The following STAG1 variants were observed in gnomAD, a reference collection of about 807,000 sequenced individuals.
STAG1 encodes the protein STAG1 cohesin complex component, also known as cohesin subunit SA-1.
A neutral mutation model predicts 170.9 loss-of-function variants in STAG1; 26 were observed. The observed-to-expected ratio is 0.15, with a 90% CI of 0.11 to 0.21. The LOEUF (loss-of-function observed/expected upper bound fraction) is 0.21, where lower values mean the gene tolerates loss of function less well. Among genes scored for constraint, STAG1 ranks in the 10% least tolerant of loss-of-function variants. The pLI is 1.00. For missense variants in STAG1, 964 were observed against 1,509.5 expected, an observed-to-expected ratio of 0.64 and a Z score of 5.99; for synonymous variants, 514 against 497.7, an observed-to-expected ratio of 1.03 and a Z score of -0.44.
At chr3:136,408,153 T>C (rs1223660535) in intron 21 of STAG1, among the ~76,000 whole-genome samples, 1 of 152,206 alleles carries the variant, frequency 6.6e-6, no homozygotes, top group African/African-American at 2.4e-5. Flanking sequence ...TATTCATAAA[T>C]GCTACAATGA....
rs146018908 is a variant in STAG1, at chr3:136,555,422, G to A, written c.395-13227C>T. ...ATCACGACTGGGCACAGTGGCTCAA[G>A]CCTGTAATCCCAGCACTTTGGGAGG... On this transcript the variant is annotated intron_variant, in intron 5 of 33. Coordinates refer to ENST00000383202, the MANE Select transcript of STAG1 (RefSeq NM_005862.3). Among the ~76,000 whole-genome samples, 984 of 151,802 alleles carry A rather than the reference G, an allele frequency of 6.5e-3. 12 individuals carry two copies. The highest frequency in any genetic ancestry group is 0.023 in the African/African-American group (936 of 41,164).
chr3:136,443,066 T>C (rs1442661966), intron 15 of STAG1, among the ~76,000 whole-genome samples: 1 of 152,128 alleles, frequency 6.6e-6, no homozygotes, highest in African/African-American at 2.4e-5. Flanking sequence ...ATGACACGCA[T>C]GGATTTTTAA....
intron 1 of STAG1, among the ~76,000 whole-genome samples, chr3:136,718,270 T>G (rs1932982099): frequency 6.6e-6 from 1 of 152,128 alleles, no homozygotes; most frequent in Non-Finnish European, 1.5e-5. Context: ...GAAACAAAAC[T>G]GGAATGAGTG....
intron 4 of STAG1, among the ~76,000 whole-genome samples, chr3:136,588,796 C>A (rs918657176): frequency 6.6e-6 from 1 of 152,006 alleles, no homozygotes; most frequent in Non-Finnish European, 1.5e-5. Flanking sequence ...GGGAGTCTCG[C>A]TCTGTCACCC....
At chr3:136,417,825 T>A (rs574351086) in intron 21 of STAG1, 60 bp downstream of exon 21, 3 of 1,270,862 alleles carry the variant, frequency 2.4e-6, no homozygotes, top group East Asian at 4.6e-5. Context: ...CTGATAATCA[T>A]ATGACTTCAG....
intron 4 of STAG1, among the ~76,000 whole-genome samples, chr3:136,574,760 T>G (rs796416570): frequency 1.3e-4 from 20 of 152,262 alleles, no homozygotes; most frequent in African/African-American, 4.8e-4. Flanking sequence ...TGGTAACTGA[T>G]AGAAGAAGCA....
At chr3:136,547,891 A>C (rs1333532176) in intron 5 of STAG1, among the ~76,000 whole-genome samples, 1 of 151,996 alleles carries the variant, frequency 6.6e-6, no homozygotes, top group African/African-American at 2.4e-5. Flanking sequence ...TTGATTTTTG[A>C]GTTAAAGTGT....
At chr3:136,613,731 C>T (rs1393448820) in intron 3 of STAG1, among the ~76,000 whole-genome samples, 1 of 152,070 alleles carries the variant, frequency 6.6e-6, no homozygotes, top group African/African-American at 2.4e-5. Context: ...AAGTGATTTG[C>T]CCCGCCTTGG....
intron 5 of STAG1, among the ~76,000 whole-genome samples, chr3:136,544,249 CCA>C (rs1386277896): frequency 4.6e-5 from 7 of 152,040 alleles, no homozygotes; most frequent in African/African-American, 1.7e-4. Flanking sequence ...TATATATGAA[CCA>C]CACAGTTTAG....
At chr3:136,493,135 A>T (rs1437213844) in intron 9 of STAG1, among the ~76,000 whole-genome samples, 1 of 152,154 alleles carries the variant, frequency 6.6e-6, no homozygotes, top group Non-Finnish European at 1.5e-5. Flanking sequence ...TGAGCCCAGG[A>T]ATTTGAGACC....
At position 136,452,092 on chromosome 3, in the gene STAG1, T is replaced by G; in HGVS notation, c.1369A>C (p.Arg457=). Residue 457 remains arginine (R), a synonymous_variant, in exon 14 of 34, where the codon AGA becomes CGA. Transcript: ENST00000383202. ...ATGAGGTTTCCATTCGGGCTGTTTC[T>G]TCCCCTCCTCTTTGCTAATGCTTCT... ...AEEALAKRRG[R]NSPNGNLIRM... The G allele has an allele frequency of 1.2e-6, 2 of 1,613,658 alleles. No homozygotes were observed. Among genetic ancestry groups the G allele is most frequent in the Non-Finnish European group, 8.5e-7 (1 of 1,179,912 alleles).
intron 1 of STAG1, among the ~76,000 whole-genome samples, chr3:136,691,721 T>A (rs1005494722): frequency 1.3e-5 from 2 of 152,238 alleles, no homozygotes; most frequent in African/African-American, 4.8e-5. Context: ...TTACTAGTTA[T>A]AACTTTTCTT....
intron 13 of STAG1, among the ~76,000 whole-genome samples, chr3:136,452,957 T>C (rs1432276027): frequency 6.6e-6 from 1 of 152,078 alleles, no homozygotes. Flanking sequence ...GCTGGGCTAA[T>C]TTTTGTATTT....
intron 21 of STAG1, among the ~76,000 whole-genome samples, chr3:136,409,570 G>T (rs922830292): frequency 5.9e-5 from 9 of 151,990 alleles, no homozygotes; most frequent in Admixed American, 3.3e-4. Flanking sequence ...CTCCTGGCCT[G>T]AAGTCATCCA....
intron 1 of STAG1, among the ~76,000 whole-genome samples, chr3:136,642,335 G>A (rs1407319005): frequency 1.5e-5 from 2 of 134,328 alleles, no homozygotes; most frequent in East Asian, 2.5e-4. Context: ...ACAGTAGCGC[G>A]ATCTTAGCTC....
At chr3:136,592,793 GCCTAAGAGTAATTTATCCTTAGT>G (rs1303664094) in intron 4 of STAG1, among the ~76,000 whole-genome samples, 1 of 152,158 alleles carries the variant, frequency 6.6e-6, no homozygotes, top group Non-Finnish European at 1.5e-5. Context: ...GCTGCCACAG[GCCTAAGAGTAATTTATCCTTAGT>G]CCTCCTCTCA....
At chr3:136,434,631 T>A (rs2088401941) in intron 15 of STAG1, among the ~76,000 whole-genome samples, 1 of 152,210 alleles carries the variant, frequency 6.6e-6, no homozygotes, top group Admixed American at 6.5e-5. Context: ...CTTCATGGTA[T>A]CTTCTGTCAG....
chr3:136,707,180 T>C (rs563269709), intron 1 of STAG1, among the ~76,000 whole-genome samples: 2 of 152,290 alleles, frequency 1.3e-5, no homozygotes, highest in South Asian at 4.1e-4. Context: ...CAAAAGCCCA[T>C]GTACCTAAAG....
At chr3:136,694,604 C>T (rs1435738455) in intron 1 of STAG1, among the ~76,000 whole-genome samples, 1 of 150,482 alleles carries the variant, frequency 6.6e-6, no homozygotes, top group African/African-American at 2.4e-5. Flanking sequence ...TGAGATGCTC[C>T]CATCTCTTTA....
Sources: allele counts gnomAD v4.1 joint callset (sites outside exome capture counted in the v4.1 genomes callset), GRCh38; gene constraint gnomAD v4.1.1; transcripts MANE v1.5; gene names NCBI Gene and HGNC (gene_info 2026-07-23, HGNC 2026-07-21).